Variants in GON4L observed in about 807,000 individuals in gnomAD.
GON4L encodes GON-4-like protein.
GON4L carries 87 observed loss-of-function variants against 211.8 expected under a neutral mutation model. The ratio of observed to expected loss-of-function variants is 0.41; its 90% confidence interval spans 0.35 to 0.49. The LOEUF (loss-of-function observed/expected upper bound fraction) is 0.49. GON4L is among the 20% of genes least tolerant of loss of function. The pLI, the probability that GON4L is intolerant of heterozygous loss-of-function variation, is 0.15. For missense variants in GON4L, 2,155 were observed against 2,659.5 expected (o/e 0.81, Z 4.17); for synonymous variants, 875 against 962.6 (o/e 0.91, Z 1.68).
At chr1:155,764,020 AAAC>A (rs1263358484) in intron 21 of GON4L, among the ~76,000 whole-genome samples, 3 of 27,540 alleles carry the variant, frequency 1.1e-4, no homozygotes, top group Non-Finnish European at 4.4e-4. Flanking sequence ...AAACAAAAAC[AAAC>A]AAAAAAAAAA....
intron 1 of GON4L, among the ~76,000 whole-genome samples, chr1:155,855,048 A>AAAGGTT (rs2102523249): frequency 6.6e-6 from 1 of 152,246 alleles, no homozygotes; most frequent in African/African-American, 2.4e-5. Context: ...AAAAAAAAAA[A>AAAGGTT]AAAGGTTAGG....
In GON4L at chr1:155,766,593, A is replaced by G. The variant is rs746109059; in HGVS notation, c.2880T>C (p.Asn960=). The G allele has an allele frequency of 5.2e-4, 844 of 1,613,640 alleles. 10 individuals carry two copies. Among genetic ancestry groups the G allele is most frequent in the Non-Finnish European group, 3.8e-5 (45 of 1,179,986 alleles). Residue 960 remains asparagine, a synonymous_variant, in exon 21 of 32, where the codon AAT becomes AAC. Transcript: ENST00000368331. ...INSDRSLEKD[N]LELGSESRYP... is the part of the protein sequence containing the mutation. ...ACCGAGATTCACTCCCCAACTCCAA[A>G]TTGTCTTTTTCTAGGCTTCGATCTG... is the stretch of plus-strand genomic sequence containing the variant.
chr1:155,856,971 C>A (rs1672345953), intron 1 of GON4L, among the ~76,000 whole-genome samples, 176 bp downstream of exon 1: 1 of 152,162 alleles, frequency 6.6e-6, no homozygotes, highest in African/African-American at 2.4e-5. Flanking sequence ...CGCGCTTCCA[C>A]CTCGGTGCCC....
chr1:155,836,535 A>C (rs921011396), intron 2 of GON4L, among the ~76,000 whole-genome samples: 4 of 152,198 alleles, frequency 2.6e-5, no homozygotes, highest in African/African-American at 9.7e-5. Context: ...GGCGTGAGCC[A>C]CCACGCCTGG....
chr1:155,858,052 A>C (rs1038249677), upstream of GON4L, among the ~76,000 whole-genome samples: 9 of 152,216 alleles, frequency 5.9e-5, no homozygotes, highest in Admixed American at 2.0e-4. Flanking sequence ...ACAACGGTAC[A>C]CAGACAGCTA....
rs1043637270 is a variant in GON4L at position 155,822,446 on chromosome 1, CT to C, written c.727del (p.Arg243GlyfsTer25). The C allele has an allele frequency of 6.2e-7, 1 of 1,613,516 alleles. No individual in the cohort carries two copies. On this transcript the variant is annotated frameshift_variant, in exon 4 of 32. Transcript: ENST00000368331. LOFTEE classifies it high-confidence loss of function. ...CTTGGTACCCTTTTTCTTTTTTCTC[CT>C]TTTCTCACTTTCTTCATTGTCTTGT... ...EEQDNEESEK[R>X]RKKKKGTKRK...
intron 19 of GON4L, among the ~76,000 whole-genome samples, chr1:155,768,610 CAAA>C (rs767701993): frequency 8.6e-6 from 1 of 116,608 alleles, no homozygotes. Context: ...GACTCCATCT[CAAA>C]AAAAAAAAAA....
chr1:155,810,882 T>C (rs1667701889), intron 10 of GON4L, among the ~76,000 whole-genome samples: 2 of 151,818 alleles, frequency 1.3e-5, no homozygotes, highest in Non-Finnish European at 2.9e-5. Context: ...GGCGTAGTGG[T>C]GTGTGCCTCT....
At chr1:155,754,148 T>C (rs1660900356) in intron 28 of GON4L, 1 of 582,546 alleles carries the variant, frequency 1.7e-6, no homozygotes, top group Admixed American at 2.8e-5. Flanking sequence ...TTAACTGGTA[T>C]TTTGTTTTTC....
chr1:155,839,162 TAGAA>T (rs1670565124), intron 2 of GON4L, among the ~76,000 whole-genome samples: 1 of 151,994 alleles, frequency 6.6e-6, no homozygotes, highest in Non-Finnish European at 1.5e-5. Flanking sequence ...TATAACCAGG[TAGAA>T]AGGAACCAGT....
At chr1:155,756,026 A>G (rs1318390344) in intron 27 of GON4L, among the ~76,000 whole-genome samples, 1 of 151,650 alleles carries the variant, frequency 6.6e-6, no homozygotes, top group Non-Finnish European at 1.5e-5. Flanking sequence ...CAACCAGTAG[A>G]CTCCACAGAT....
chr1:155,787,076 C>T (rs552705009), intron 12 of GON4L, among the ~76,000 whole-genome samples: 19 of 133,022 alleles, frequency 1.4e-4, no homozygotes, highest in Non-Finnish European at 1.5e-4. Flanking sequence ...CGCCTGCCAC[C>T]GTGCCTGGCT....
rs930396613 is a variant in GON4L, at chr1:155,777,502, C to A, written c.2091+120G>T. On this transcript the variant is annotated intron_variant, in intron 15 of 31. Coordinates refer to ENST00000368331, the MANE Select transcript of GON4L (RefSeq NM_001282860.2). ...GCTGAGGCAGGAGAAATGCTTGAGC[C>A]CAGAAAGCAGAGGTTGAAGTGAGCC... is the stretch of plus-strand genomic sequence containing the variant. The A allele has an allele frequency of 2.0e-5, 16 of 805,646 alleles. No homozygotes were observed. The Admixed American group carries it at 2.9e-4, about 14-fold the overall frequency. The allele number at this position is 805,646 out of a possible 1,614,324, so 49.9% of individuals were successfully genotyped here. A position where few individuals can be genotyped will look rare whatever the true frequency, so the allele number is the denominator to read the frequency against.
At chr1:155,767,268 A>C (rs1662613161) in intron 20 of GON4L, 157 bp downstream of exon 20, 1 of 1,530,254 alleles carries the variant, frequency 6.5e-7, no homozygotes, top group Non-Finnish European at 8.8e-7. Context: ...TCACCCAGAG[A>C]AGGGCAGAAA....
chr1:155,763,457 C>T lies in GON4L; in HGVS notation c.4581G>A (p.Glu1527=). 6.4e-7 allele frequency: 1 copy of T among 1,556,038 alleles called. No homozygotes were observed. ...CCATTCCTTCTGCTTCTTCTTCCTC[C>T]TCTTCTTCTGGCTCAGAGTTCTCCT... ...SQEENSEPEE[E]EEEEAEGMES... The change falls in exon 22 of 32, where the codon GAG becomes GAA. Residue 1527 remains glutamate (E), a synonymous_variant. Transcript: ENST00000368331.
At chr1:155,780,040 C>T (rs1664253054) in intron 14 of GON4L, among the ~76,000 whole-genome samples, 1 of 151,814 alleles carries the variant, frequency 6.6e-6, no homozygotes, top group Non-Finnish European at 1.5e-5. Context: ...CTAAAGTGAT[C>T]CACCTGCCTT....
chr1:155,826,795 A>G (rs939070455), intron 3 of GON4L, 42 bp downstream of exon 3: 21 of 1,293,380 alleles, frequency 1.6e-5, no homozygotes, highest in Non-Finnish European at 2.4e-5. Context: ...TTATACTTCA[A>G]TAAAGAGGTT....
At chr1:155,801,029 G>C (rs1006391340) in intron 11 of GON4L, among the ~76,000 whole-genome samples, 1 of 143,106 alleles carries the variant, frequency 7.0e-6, no homozygotes, top group Non-Finnish European at 1.5e-5. Flanking sequence ...AGAACTATCT[G>C]TCCTTGGGCA....
intron 11 of GON4L, among the ~76,000 whole-genome samples, chr1:155,797,450 T>G (rs1666176443): frequency 6.6e-6 from 1 of 150,936 alleles, no homozygotes; most frequent in Non-Finnish European, 1.5e-5. Flanking sequence ...TCATAATAAA[T>G]GAGCATCTTT....
Sources: allele counts gnomAD v4.1 joint callset (sites outside exome capture counted in the v4.1 genomes callset), GRCh38; gene constraint gnomAD v4.1.1; transcripts MANE v1.5; gene names NCBI Gene and HGNC (gene_info 2026-07-23, HGNC 2026-07-21).